The following CRACDL variants were observed in gnomAD, a reference collection of about 807,000 sequenced individuals.
CRACDL encodes CRACD-like protein.
Under a neutral mutation model 70.6 loss-of-function variants are expected in CRACDL, and 26 were observed. The observed-to-expected ratio is 0.37, with a 90% CI of 0.27 to 0.51. The LOEUF is 0.51. Among genes scored for constraint, CRACDL ranks in the 20% least tolerant of loss-of-function variants. The pLI is 0.94. For missense variants in CRACDL, 1,283 were observed against 1,376.9 expected (o/e 0.93, Z 1.08); for synonymous variants, 618 against 615.2 (o/e 1.00, Z -0.07).
intron 1 of CRACDL, among the ~76,000 whole-genome samples, chr2:98,907,390 C>T (rs1558634252): frequency 6.6e-6 from 1 of 152,204 alleles, no homozygotes; most frequent in Non-Finnish European, 1.5e-5. Flanking sequence ...CCATCCTCCC[C>T]ACAATGTCCT....
intron 1 of CRACDL, among the ~76,000 whole-genome samples, chr2:98,919,557 A>G (rs1293471132): frequency 6.6e-6 from 1 of 152,166 alleles, no homozygotes; most frequent in African/African-American, 2.4e-5. Context: ...TAGCACTTCA[A>G]TGATTTCATT....
intron 7 of CRACDL, among the ~76,000 whole-genome samples, chr2:98,814,976 T>C (rs1475772257): frequency 6.6e-6 from 1 of 152,188 alleles, no homozygotes; most frequent in Non-Finnish European, 1.5e-5. Context: ...TGAAGTCTTC[T>C]TTGTGTTATA....
intron 3 of CRACDL, among the ~76,000 whole-genome samples, chr2:98,835,823 C>A (rs1243225732): frequency 6.6e-6 from 1 of 152,080 alleles, no homozygotes; most frequent in Non-Finnish European, 1.5e-5. Context: ...TTAGAAAAAC[C>A]ACCACTTTGT....
At chr2:98,887,312 C>T (rs946372862) in intron 1 of CRACDL, among the ~76,000 whole-genome samples, 11 of 152,038 alleles carry the variant, frequency 7.2e-5, no homozygotes, top group African/African-American at 2.4e-4. Context: ...TAGCAAGGTC[C>T]TATCTCTATT....
At chr2:98,802,364 G>C (rs771050370) in intron 7 of CRACDL, among the ~76,000 whole-genome samples, 1 of 152,242 alleles carries the variant, frequency 6.6e-6, no homozygotes, top group Non-Finnish European at 1.5e-5. Context: ...CCCGAGATGA[G>C]AGCCGTTTTC....
rs1181969802 is a variant in CRACDL, at chr2:98,795,077, A to ATTTTTTTTTTTTT, written c.2750-419_2750-407dup. Among the ~76,000 whole-genome samples, 211 of 58,438 alleles carry ATTTTTTTTTTTTT rather than the reference A, an allele frequency of 3.6e-3. 21 individuals are homozygous for ATTTTTTTTTTTTT. The highest frequency in any genetic ancestry group is 0.031 in the East Asian group (50 of 1,630). The allele number at this position is 58,438 out of a possible 152,430, so 38.3% of individuals were successfully genotyped here. On this transcript the variant is annotated intron_variant, in intron 9 of 9. Coordinates refer to ENST00000397899, the MANE Select transcript of CRACDL (RefSeq NM_207362.3). ...TATATATATATATATATATATATAT[A>ATTTTTTTTTTTTT]TTTTTTTTTTTTTTTGAGACAGAAG...
rs771962678 is a variant in CRACDL, at chr2:98,822,581, G to T, written c.1692C>A (p.Gly564=). Residue 564 remains glycine, a synonymous_variant, in exon 7 of 10, where the codon GGC becomes GGA. Transcript: ENST00000397899. The surrounding 1 kb of genome is among the most constrained non-coding windows in gnomAD (Gnocchi z 4.9). ...TCTTCGCGCCTCGCAGCTCGGCACCGCCCCTCTCCGCCTTCCGCTCTGGCG... is the reference window on the plus strand; with the variant it reads ...TCTTCGCGCCTCGCAGCTCGGCACCTCCCCTCTCCGCCTTCCGCTCTGGCG... ...RAAPERKAER[G]GAELRGAKKF... is the part of the protein sequence containing the mutation. The T allele has an allele frequency of 1.2e-5, 17 of 1,445,414 alleles. No homozygotes were observed. Among genetic ancestry groups the T allele is most frequent in the Non-Finnish European group, 1.5e-5 (17 of 1,105,672 alleles). 89.5% of individuals were successfully genotyped at this position (1,445,414 alleles called of 1,614,324 possible). A position where few individuals can be genotyped will look rare whatever the true frequency, so the allele number is the denominator to read the frequency against.
chr2:98,843,011 A>T (rs1254799425), intron 2 of CRACDL, among the ~76,000 whole-genome samples: 1 of 151,976 alleles, frequency 6.6e-6, no homozygotes, highest in East Asian at 1.9e-4. Context: ...GTTTTTCCAA[A>T]GTGGCTGTGC....
chr2:98,935,535 C>T (rs1187289748), intron 1 of CRACDL, among the ~76,000 whole-genome samples: 2 of 152,172 alleles, frequency 1.3e-5, no homozygotes, highest in African/African-American at 4.8e-5. Flanking sequence ...GTGAATGTGT[C>T]CACTCCTTTC....
chr2:98,868,197 G>T (rs765773323), intron 1 of CRACDL, among the ~76,000 whole-genome samples: 5 of 152,200 alleles, frequency 3.3e-5, no homozygotes, highest in Non-Finnish European at 5.9e-5. Flanking sequence ...CTACTCCTTT[G>T]TAACAAACGA....
At chr2:98,914,897 G>A (rs1448019648) in intron 1 of CRACDL, among the ~76,000 whole-genome samples, 5 of 152,228 alleles carry the variant, frequency 3.3e-5, no homozygotes, top group African/African-American at 1.2e-4. Flanking sequence ...GAGAGAAGAA[G>A]GGGAAGGCTG....
chr2:98,916,476 TTA>T (rs1708668435), intron 1 of CRACDL, among the ~76,000 whole-genome samples: 1 of 151,096 alleles, frequency 6.6e-6, no homozygotes, highest in South Asian at 2.1e-4. Context: ...TGTGTGCAGA[TTA>T]TATGTCAATG....
intron 1 of CRACDL, among the ~76,000 whole-genome samples, chr2:98,870,361 A>G (rs1707297007): frequency 6.6e-6 from 1 of 152,270 alleles, no homozygotes; most frequent in African/African-American, 2.4e-5. Context: ...ATGGCCTACA[A>G]TTTAATTTTA....
chr2:98,892,785 AC>A (rs1443633315), intron 1 of CRACDL, among the ~76,000 whole-genome samples: 22 of 152,136 alleles, frequency 1.4e-4, no homozygotes, highest in African/African-American at 5.3e-4. Context: ...AAAACCCTAA[AC>A]CCTAATATGC....
At chr2:98,795,092 T>TTTTTTTTTTTTA (rs1378998981) in intron 9 of CRACDL, among the ~76,000 whole-genome samples, 1 of 134,300 alleles carries the variant, frequency 7.4e-6, no homozygotes, top group African/African-American at 2.9e-5. Flanking sequence ...TTTTTTTTTT[T>TTTTTTTTTTTTA]GAGACAGAAG....
chr2:98,795,909 C>T (rs947875328), intron 9 of CRACDL, among the ~76,000 whole-genome samples: 2 of 152,148 alleles, frequency 1.3e-5, no homozygotes, highest in South Asian at 2.1e-4. Flanking sequence ...AGTTCAAACC[C>T]GTGTTGTTCA....
intron 1 of CRACDL, among the ~76,000 whole-genome samples, chr2:98,847,284 A>G (rs1055401708): frequency 6.6e-6 from 1 of 152,194 alleles, no homozygotes. Context: ...AGGAAGCTTG[A>G]CTTCCTGATT....
At chr2:98,817,592 C>A (rs1704836144) in intron 7 of CRACDL, among the ~76,000 whole-genome samples, 8 of 152,324 alleles carry the variant, frequency 5.3e-5, no homozygotes, top group Admixed American at 5.2e-4. Context: ...CCTCCAGCAT[C>A]CAGCTACCAC....
chr2:98,832,266 G>A, intron 5 of CRACDL, 82 bp downstream of exon 5: 2 of 1,456,056 alleles, frequency 1.4e-6, no homozygotes, highest in Non-Finnish European at 1.9e-6. Flanking sequence ...GATCTTAGGG[G>A]CACACACAGG....
Sources: gnomAD v4.1 joint callset for allele counts (sites outside exome capture counted in the v4.1 genomes callset) on GRCh38, gnomAD v4.1.1 for gene constraint, Gnocchi (gnomAD v3.1) non-coding constraint, MANE v1.5 for transcripts, NCBI Gene and HGNC (gene_info 2026-07-23, HGNC 2026-07-21) for gene names.